The following RAPGEF2 variants were observed in gnomAD, a reference collection of about 807,000 sequenced individuals.
RAPGEF2 encodes the protein Rap guanine nucleotide exchange factor 2, also known as PDZ domain containing guanine nucleotide exchange factor (GEF) 1.
A neutral mutation model predicts 186.7 loss-of-function variants in RAPGEF2; 54 were observed. The observed-to-expected ratio is 0.29, with a 90% CI of 0.23 to 0.36. The LOEUF is 0.36. Among genes scored for constraint, RAPGEF2 ranks in the 10% least tolerant of loss-of-function variants. The pLI, the probability that RAPGEF2 is intolerant of heterozygous loss-of-function variation, is 1.00. For missense variants in RAPGEF2, 1,532 were observed against 2,045.0 expected, an observed-to-expected ratio of 0.75 and a Z score of 4.84; for synonymous variants, 712 against 705.9, an observed-to-expected ratio of 1.01 and a Z score of -0.14.
At chr4:159,216,368 T>G (rs1750994730) in intron 4 of RAPGEF2, among the ~76,000 whole-genome samples, 2 of 152,170 alleles carry the variant, frequency 1.3e-5, no homozygotes, top group Non-Finnish European at 2.9e-5. Context: ...AGATGGGTAT[T>G]TTAATGTATG....
chr4:159,225,686 A>T (rs1044080406), intron 4 of RAPGEF2, among the ~76,000 whole-genome samples: 1 of 152,196 alleles, frequency 6.6e-6, no homozygotes, highest in African/African-American at 2.4e-5. Context: ...TCTAGTAGAT[A>T]CGTGGCAGTA....
intron 19 of RAPGEF2, among the ~76,000 whole-genome samples, chr4:159,339,758 T>G (rs995223525): frequency 6.6e-6 from 1 of 152,210 alleles, no homozygotes; most frequent in Non-Finnish European, 1.5e-5. Flanking sequence ...TCTAATCATA[T>G]TCTAGTGTCA....
At chr4:159,126,063 C>G (rs2111111427) in intron 1 of RAPGEF2, among the ~76,000 whole-genome samples, 1 of 152,222 alleles carries the variant, frequency 6.6e-6, no homozygotes, top group South Asian at 2.1e-4. Flanking sequence ...TGTTTATTCT[C>G]CTTTAACTAC....
chr4:159,355,726 C>A, intron 28 of RAPGEF2, 127 bp from the exon 29 acceptor site: 1 of 907,616 alleles, frequency 1.1e-6, no homozygotes, highest in Non-Finnish European at 1.7e-6. Context: ...GCACCTCTAA[C>A]CGATACCATG....
At chr4:159,129,163 A>T (rs926260506) in intron 1 of RAPGEF2, among the ~76,000 whole-genome samples, 4 of 151,978 alleles carry the variant, frequency 2.6e-5, no homozygotes, top group Non-Finnish European at 4.4e-5. Flanking sequence ...TTGAATAGAA[A>T]TCTTATCGCT....
At chr4:159,112,471 A>G (rs1248805022) in intron 1 of RAPGEF2, among the ~76,000 whole-genome samples, 1 of 152,196 alleles carries the variant, frequency 6.6e-6, no homozygotes, top group Non-Finnish European at 1.5e-5. Context: ...AAGGAAGTCT[A>G]ATGACTGTAT....
chr4:159,119,757 G>A (rs1269029678), intron 1 of RAPGEF2, among the ~76,000 whole-genome samples: 2 of 152,130 alleles, frequency 1.3e-5, no homozygotes, highest in Non-Finnish European at 2.9e-5. Flanking sequence ...ATAAAACACT[G>A]TCTGTAATGT....
At chr4:159,199,153 C>T (rs573880488) in intron 3 of RAPGEF2, among the ~76,000 whole-genome samples, 85 of 151,118 alleles carry the variant, frequency 5.6e-4, no homozygotes, top group Admixed American at 1.1e-3. Context: ...AATTGTAGGA[C>T]ACGGGTGCTC....
chr4:159,161,520 A>G (rs965654523), intron 1 of RAPGEF2, among the ~76,000 whole-genome samples: 1 of 152,020 alleles, frequency 6.6e-6, no homozygotes, highest in South Asian at 2.1e-4. Context: ...CCTGAGCAAC[A>G]TGGTGAAACC....
Position 159,202,832 on chromosome 4 carries a change from C to G in RAPGEF2, c.198-7668C>G, listed in dbSNP as rs1288344309. Among the ~76,000 whole-genome samples, 3 of 152,142 alleles carry G rather than the reference C, an allele frequency of 2.0e-5. No homozygotes were observed. The East Asian group carries it at 5.8e-4, about 29-fold the overall frequency. The stretch of plus-strand genomic sequence containing the variant: ...GGCCAGGTAGATCTCAAACTCCTGA[C>G]CTCAGGTGATCCACCTGCCTCTGCC... On this transcript the variant is annotated intron_variant, in intron 3 of 29. Transcript: ENST00000691494.
Position 159,314,654 on chromosome 4 carries a change from G to A in RAPGEF2, c.739G>A (p.Glu247Lys). The change falls in exon 9 of 30, where the codon GAA becomes AAA. Residue 247 changes from glutamate to lysine, a missense_variant. Coordinates refer to ENST00000691494, the MANE Select transcript of RAPGEF2 (RefSeq NM_001394067.2). ...SGLPETAVDSEDDDDEEDIER... is the reference protein window; with the variant it reads ...SGLPETAVDSKDDDDEEDIER... ...GTTGCCAGAAACAGCAGTGGATTCC[G>A]AAGACGACGACGATGAAGAAGACAT... 1 of 1,614,004 alleles carries A rather than the reference G, an allele frequency of 6.2e-7. No individual in the cohort carries two copies. The highest frequency in any genetic ancestry group is 8.5e-7 in the Non-Finnish European group (1 of 1,179,944).
chr4:159,246,751 C>G (rs1293433892), intron 7 of RAPGEF2, among the ~76,000 whole-genome samples: 1 of 152,098 alleles, frequency 6.6e-6, no homozygotes, highest in African/African-American at 2.4e-5. Context: ...CATATCATGT[C>G]TTTGCTTTAT....
At chr4:159,278,128 G>T (rs1026802837) in intron 7 of RAPGEF2, among the ~76,000 whole-genome samples, 2 of 152,160 alleles carry the variant, frequency 1.3e-5, no homozygotes, top group African/African-American at 4.8e-5. Context: ...TGTATAAGGT[G>T]TAAGGAAGGG....
intron 12 of RAPGEF2, 128 bp downstream of exon 12, chr4:159,330,138 T>G: frequency 2.0e-6 from 2 of 979,160 alleles, no homozygotes; most frequent in East Asian, 2.5e-5. Flanking sequence ...AAAATCTTTA[T>G]GTATGATCTC....
chr4:159,350,253 T>C lies in RAPGEF2; in HGVS notation c.3829T>C (p.Ser1277Pro). 1 of 1,599,940 alleles carries C rather than the reference T, an allele frequency of 6.3e-7. No homozygotes were observed. Among genetic ancestry groups the C allele is most frequent in the Non-Finnish European group, 8.5e-7 (1 of 1,173,792 alleles). ...ATCAAATGCATCTTCGCAGCTTTCT[T>C]CTCCTCCTACTTCTCCACAGAGTTC... ...TISNASSQLS[S>P]PPTSPQSSPR... Residue 1277 changes from serine to proline, a missense_variant, in exon 26 of 30, where the codon TCT becomes CCT. Physicochemically the swap from Ser to Pro is moderately conservative, Grantham distance 74 (BLOSUM62 -1). Around this residue, in one of 4 missense-constraint regions of RAPGEF2, gnomAD observed 594 missense variants for 608.5 expected, o/e 0.98. Coordinates refer to ENST00000691494, the MANE Select transcript of RAPGEF2 (RefSeq NM_001394067.2).
intron 1 of RAPGEF2, among the ~76,000 whole-genome samples, chr4:159,157,101 C>T (rs1744211830): frequency 6.6e-6 from 1 of 152,138 alleles, no homozygotes; most frequent in Non-Finnish European, 1.5e-5. Flanking sequence ...GGTCAGGATT[C>T]TTGCATTGTC....
intron 7 of RAPGEF2, chr4:159,267,769 A>C: frequency 2.0e-6 from 2 of 1,011,670 alleles, no homozygotes; most frequent in Non-Finnish European, 2.4e-6. Flanking sequence ...GTCTGTGTGC[A>C]GTCAGCCATT....
At chr4:159,201,070 TTGATATCATTGTTGGGG>T (rs1361479880) in intron 3 of RAPGEF2, among the ~76,000 whole-genome samples, 1 of 152,232 alleles carries the variant, frequency 6.6e-6, no homozygotes, top group Non-Finnish European at 1.5e-5. Flanking sequence ...TTCTTTTGGC[TTGATATCATTGTTGGGG>T]TTGCTTACTG....
chr4:159,124,714 C>A (rs1284011447), intron 1 of RAPGEF2, among the ~76,000 whole-genome samples: 1 of 151,994 alleles, frequency 6.6e-6, no homozygotes, highest in Non-Finnish European at 1.5e-5. Context: ...ATTTTTTCTT[C>A]CTAAATATAG....
Sources: gnomAD v4.1 joint callset for allele counts (sites outside exome capture counted in the v4.1 genomes callset) on GRCh38, gnomAD v4.1.1 for gene constraint, gnomAD v4.1.1 regional missense constraint, MANE v1.5 for transcripts, NCBI Gene and HGNC (gene_info 2026-07-23, HGNC 2026-07-21) for gene names.